The following AVEN variants were observed in gnomAD, a reference collection of about 807,000 sequenced individuals.
The protein encoded by AVEN is cell death regulator Aven.
In AVEN, 41 loss-of-function variants were observed where a neutral mutation model predicts 38.1. That is an observed-to-expected ratio of 1.08 (90% CI 0.84 to 1.40). The LOEUF (loss-of-function observed/expected upper bound fraction) is 1.40. Ranked by LOEUF, AVEN falls within the 40% of genes most tolerant of loss-of-function variation. AVEN has a pLI of 0.00. For synonymous variants in AVEN, 206 were observed against 171.8 expected (o/e 1.20, Z -1.56); for missense variants, 605 against 438.8 (o/e 1.38, Z -3.38).
At chr15:34,062,016 CT>C (rs1900349853) in intron 5 of AVEN, among the ~76,000 whole-genome samples, 1 of 152,178 alleles carries the variant, frequency 6.6e-6, no homozygotes, top group African/African-American at 2.4e-5. Context: ...TTTAACATCC[CT>C]GCTTTCCTCT....
In AVEN at chr15:33,876,006, G is replaced by T; in HGVS notation, c.446-11C>A. 8.1e-7 allele frequency: 1 copy of T among 1,228,262 alleles called. No homozygotes were observed. The allele number at this position is 1,228,262 out of a possible 1,614,324, so 76.1% of individuals were successfully genotyped here. A position where few individuals can be genotyped will look rare whatever the true frequency, so the allele number is the denominator to read the frequency against. ...GTGAGAATGAGTCCCCTAGGAATAG[G>T]AAAAAAAAAAAAATTTATGCAAAAG... On this transcript the variant is annotated splice_polypyrimidine_tract_variant and intron_variant, in intron 2 of 5. Coordinates refer to ENST00000306730, the MANE Select transcript of AVEN (RefSeq NM_020371.3).
chr15:33,868,125 G>A (rs1246603283), intron 4 of AVEN, among the ~76,000 whole-genome samples: 2 of 152,188 alleles, frequency 1.3e-5, no homozygotes, highest in Non-Finnish European at 1.5e-5. Context: ...GATTTGGAAT[G>A]AAAAGATCCA....
At chr15:33,865,287 T>TAC, downstream of AVEN, 1 of 1,192,490 alleles carries the variant, frequency 8.4e-7, no homozygotes. Flanking sequence ...TAAAGTCCCC[T>TAC]TTTTACAGTT....
intron 1 of AVEN, among the ~76,000 whole-genome samples, chr15:34,071,667 A>T (rs74007683): frequency 0.025 from 3,881 of 152,280 alleles, 169 homozygotes; most frequent in African/African-American, 0.087. Context: ...ATTGATCATG[A>T]TGTACTAACT....
intron 2 of AVEN, among the ~76,000 whole-genome samples, chr15:33,913,322 A>C (rs1418144657): frequency 6.6e-6 from 1 of 152,228 alleles, no homozygotes; most frequent in Non-Finnish European, 1.5e-5. Context: ...ATTGGTATTA[A>C]AAGGAGTAGA....
At chr15:33,902,386 C>T (rs1262001577) in intron 2 of AVEN, among the ~76,000 whole-genome samples, 5 of 152,314 alleles carry the variant, frequency 3.3e-5, no homozygotes, top group African/African-American at 1.2e-4. Flanking sequence ...GTTAAATATT[C>T]TTTCTCAATA....
intron 2 of AVEN, among the ~76,000 whole-genome samples, chr15:33,914,589 T>C (rs80219332): frequency 6.7e-6 from 1 of 149,776 alleles, no homozygotes; most frequent in Admixed American, 6.7e-5. Flanking sequence ...AACAGGCATA[T>C]AGGGAAACCA....
chr15:33,935,215 C>T (rs78226272), intron 2 of AVEN, among the ~76,000 whole-genome samples: 6,397 of 152,160 alleles, frequency 0.042, 301 homozygotes, highest in African/African-American at 0.12. Context: ...TTCCACAGGT[C>T]GTCATAAAAA....
intron 2 of AVEN, among the ~76,000 whole-genome samples, chr15:33,973,661 G>C (rs1280662536): frequency 5.3e-5 from 8 of 152,126 alleles, no homozygotes; most frequent in African/African-American, 1.9e-4. Context: ...AGGCAACACA[G>C]CAAGACTCCA....
chr15:34,044,226 G>A (rs771557490), intron 5 of AVEN, among the ~76,000 whole-genome samples: 3 of 151,846 alleles, frequency 2.0e-5, no homozygotes, highest in Non-Finnish European at 2.9e-5. Flanking sequence ...TCTCCCATTC[G>A]CTATTTTATC....
intron 1 of AVEN, among the ~76,000 whole-genome samples, chr15:34,011,809 C>A (rs1423330247): frequency 2.6e-5 from 4 of 152,170 alleles, no homozygotes; most frequent in African/African-American, 9.7e-5. Context: ...TAATTTGCAT[C>A]TGTAGGCAGC....
intron 1 of AVEN, among the ~76,000 whole-genome samples, chr15:34,070,914 G>A (rs1900612799): frequency 6.6e-6 from 1 of 152,154 alleles, no homozygotes; most frequent in African/African-American, 2.4e-5. Context: ...ATTTCTCTGT[G>A]ATCTGTGATT....
At chr15:33,902,752 T>C (rs550362119) in intron 2 of AVEN, among the ~76,000 whole-genome samples, 1 of 152,332 alleles carries the variant, frequency 6.6e-6, no homozygotes, top group South Asian at 2.1e-4. Flanking sequence ...AGTGCATTCC[T>C]ACGCACAAAT....
chr15:33,880,589 G>A (rs1326664556), intron 2 of AVEN, among the ~76,000 whole-genome samples: 5 of 152,164 alleles, frequency 3.3e-5, no homozygotes, highest in Non-Finnish European at 7.3e-5. Flanking sequence ...CTCAATCTCT[G>A]ATTCTGCCTA....
At chr15:33,996,577 C>T (rs2140595479) in intron 2 of AVEN, among the ~76,000 whole-genome samples, 1 of 152,340 alleles carries the variant, frequency 6.6e-6, no homozygotes. Context: ...CTGGAGTGGA[C>T]CTCCCACAAA....
intron 5 of AVEN, among the ~76,000 whole-genome samples, chr15:34,059,683 CA>C (rs1196167187): frequency 6.6e-6 from 1 of 152,164 alleles, no homozygotes; most frequent in Non-Finnish European, 1.5e-5. Context: ...CTGTCTGAAA[CA>C]TTCTGGCACT....
intron 2 of AVEN, among the ~76,000 whole-genome samples, chr15:33,948,200 C>A (rs1262857749): frequency 6.6e-6 from 1 of 151,320 alleles, no homozygotes; most frequent in Non-Finnish European, 1.5e-5. Context: ...CAAGTTCAAG[C>A]AATTCTCTGC....
chr15:33,973,828 T>C (rs1895752784), intron 2 of AVEN, among the ~76,000 whole-genome samples: 1 of 152,240 alleles, frequency 6.6e-6, no homozygotes, highest in Non-Finnish European at 1.5e-5. Context: ...GACTAGTTAA[T>C]CAGCAGATGT....
chr15:33,858,015 C>A, downstream of AVEN: 2 of 1,461,488 alleles, frequency 1.4e-6, no homozygotes, highest in Admixed American at 2.0e-5. Context: ...CTCTTGAGAA[C>A]TGTAGAGTTA....
Sources: gnomAD v4.1 joint callset for allele counts (sites outside exome capture counted in the v4.1 genomes callset) on GRCh38, gnomAD v4.1.1 for gene constraint, MANE v1.5 for transcripts, NCBI Gene and HGNC (gene_info 2026-07-23, HGNC 2026-07-21) for gene names.